Variants in TENM3 observed in about 807,000 individuals in gnomAD.
TENM3 encodes teneurin transmembrane protein 3, also known as teneurin-3.
A neutral mutation model predicts 255.1 loss-of-function variants in TENM3; 63 were observed. The ratio of observed to expected loss-of-function variants is 0.25; its 90% CI spans 0.20 to 0.30. TENM3 has a LOEUF of 0.30. Among genes scored for constraint, TENM3 ranks in the 10% least tolerant of loss-of-function variants. The pLI is 1.00. For synonymous variants in TENM3, 1,306 were observed against 1,322.3 expected, an observed-to-expected ratio of 0.99 and a Z score of 0.27; for missense variants, 2,929 against 3,461.1, an observed-to-expected ratio of 0.85 and a Z score of 3.86.
At chr4:182,222,621 G>A (rs537177616) in intron 1 of TENM3, among the ~76,000 whole-genome samples, 1 of 152,324 alleles carries the variant, frequency 6.6e-6, no homozygotes, top group African/African-American at 2.4e-5. Context: ...CCTCTGAAGA[G>A]AAAACAAGAA....
intron 1 of TENM3, among the ~76,000 whole-genome samples, chr4:182,184,202 T>A (rs558445013): frequency 6.6e-6 from 1 of 152,340 alleles, no homozygotes; most frequent in Non-Finnish European, 1.5e-5. Flanking sequence ...AGAAGATTAT[T>A]ACAAATTCAT....
At chr4:182,476,426 G>A (rs763015342) in intron 3 of TENM3, among the ~76,000 whole-genome samples, 2 of 152,102 alleles carry the variant, frequency 1.3e-5, no homozygotes, top group Non-Finnish European at 2.9e-5. Flanking sequence ...TGTGATGCTG[G>A]AGAAATGTAT....
At chr4:182,666,244 TAAC>T (rs1405693138) in intron 6 of TENM3, among the ~76,000 whole-genome samples, 1 of 152,140 alleles carries the variant, frequency 6.6e-6, no homozygotes, top group Non-Finnish European at 1.5e-5. Context: ...ATTGTTGAAA[TAAC>T]AACAAAGGAT....
intron 1 of TENM3, among the ~76,000 whole-genome samples, chr4:182,205,877 A>G (rs1754527946): frequency 1.3e-5 from 2 of 152,154 alleles, no homozygotes; most frequent in East Asian, 1.9e-4. Context: ...CATTCGACAG[A>G]ATATGAAAAA....
At chr4:182,686,743 G>A (rs1756608104) in intron 11 of TENM3, among the ~76,000 whole-genome samples, 1 of 152,038 alleles carries the variant, frequency 6.6e-6, no homozygotes, top group South Asian at 2.1e-4. Context: ...GACGCACCTT[G>A]CTCAAAGCTA....
At chr4:182,304,068 A>G (rs892646271) in intron 1 of TENM3, among the ~76,000 whole-genome samples, 2 of 152,064 alleles carry the variant, frequency 1.3e-5, no homozygotes, top group Non-Finnish European at 2.9e-5. Context: ...CATTTCCAGT[A>G]TTCGAGAGGA....
At chr4:181,959,251 T>A in the TENM3 span, among the ~76,000 whole-genome samples, 1 of 152,094 alleles carries the variant, frequency 6.6e-6, no homozygotes, top group Non-Finnish European at 1.5e-5. Flanking sequence ...CCCCCAGTGG[T>A]TTTTGTCCTA....
chr4:181,567,682 T>A, the TENM3 span, among the ~76,000 whole-genome samples: 1 of 152,356 alleles, frequency 6.6e-6, no homozygotes, highest in African/African-American at 2.4e-5. Flanking sequence ...AGTATGTGTA[T>A]CTTCATGAAC....
At chr4:181,684,728 T>C in the TENM3 span, among the ~76,000 whole-genome samples, 6 of 152,210 alleles carry the variant, frequency 3.9e-5, no homozygotes. Flanking sequence ...ATTAAGAACT[T>C]ACATTAGTGT....
At chr4:181,934,187 C>A in the TENM3 span, among the ~76,000 whole-genome samples, 1 of 152,100 alleles carries the variant, frequency 6.6e-6, no homozygotes. Flanking sequence ...CATGCCATAC[C>A]TCAGTTGATT....
the TENM3 span, among the ~76,000 whole-genome samples, chr4:182,102,092 T>C: frequency 6.6e-6 from 1 of 152,098 alleles, no homozygotes; most frequent in African/African-American, 2.4e-5. Flanking sequence ...ACACTGAACA[T>C]GTGAATATGA....
the TENM3 span, among the ~76,000 whole-genome samples, chr4:181,937,401 A>G: frequency 5.3e-4 from 80 of 152,350 alleles, no homozygotes; most frequent in Middle Eastern, 3.4e-3. Context: ...CTGCAAGAAG[A>G]TGATTCCTAG....
At chr4:182,673,830 A>G (rs1356880716) in intron 7 of TENM3, among the ~76,000 whole-genome samples, 1 of 152,204 alleles carries the variant, frequency 6.6e-6, no homozygotes, top group East Asian at 1.9e-4. Context: ...AATATCAAAG[A>G]ACTTTAAAGT....
the TENM3 span, among the ~76,000 whole-genome samples, chr4:182,113,219 G>A: frequency 1.1e-4 from 17 of 152,178 alleles, no homozygotes; most frequent in South Asian, 4.1e-4. Flanking sequence ...AATCATTTCC[G>A]TTTGTTTTCT....
chr4:182,165,849 C>T (rs1029536788), intron 1 of TENM3, among the ~76,000 whole-genome samples: 2 of 152,150 alleles, frequency 1.3e-5, no homozygotes, highest in African/African-American at 4.8e-5. Flanking sequence ...GCTCTCGGCT[C>T]ACTACAACCT....
intron 24 of TENM3, among the ~76,000 whole-genome samples, chr4:182,788,840 T>C (rs1765883206): frequency 6.6e-6 from 1 of 152,252 alleles, no homozygotes; most frequent in African/African-American, 2.4e-5. Context: ...CATTTTGGTA[T>C]TTTTCTTATC....
chr4:182,245,238 AT>A (rs1356888640), intron 1 of TENM3, among the ~76,000 whole-genome samples: 2 of 152,176 alleles, frequency 1.3e-5, no homozygotes, highest in African/African-American at 4.8e-5. Context: ...ACAAGACACA[AT>A]TGTTTCCAGC....
chr4:181,625,209 C>T, the TENM3 span, among the ~76,000 whole-genome samples: 237 of 152,256 alleles, frequency 1.6e-3, 1 homozygote, highest in African/African-American at 5.4e-3. Context: ...CAGTCTACCA[C>T]GCCTGCAGAG....
the TENM3 span, among the ~76,000 whole-genome samples, chr4:181,510,335 A>G: frequency 6.6e-6 from 1 of 152,326 alleles, no homozygotes; most frequent in South Asian, 2.1e-4. Context: ...TGAGGTCCAG[A>G]CAAACAACAT....
Sources: allele counts gnomAD v4.1 joint callset (sites outside exome capture counted in the v4.1 genomes callset), GRCh38; gene constraint gnomAD v4.1.1; transcripts MANE v1.5; gene names NCBI Gene and HGNC (gene_info 2026-07-23, HGNC 2026-07-21).